RBFOX3: variants seen among roughly 807,000 people sequenced by gnomAD.
RBFOX3 encodes the protein RNA binding fox-1 homolog 3, also known as RNA binding protein fox-1 homolog 3.
Under a neutral mutation model 48.7 loss-of-function variants are expected in RBFOX3, and 17 were observed. That is an observed-to-expected ratio of 0.35 (90% CI 0.24 to 0.52). The LOEUF (loss-of-function observed/expected upper bound fraction) is 0.52, where lower values mean the gene tolerates loss of function less well. Ranked by LOEUF, RBFOX3 falls within the 20% of genes least tolerant of loss-of-function variation. RBFOX3 has a pLI of 0.94. For synonymous variants in RBFOX3, 212 were observed against 209.5 expected, an observed-to-expected ratio of 1.01 and a Z score of -0.10; for missense variants, 382 against 497.5, an observed-to-expected ratio of 0.77 and a Z score of 2.21.
intron 1 of RBFOX3, among the ~76,000 whole-genome samples, chr17:79,591,209 G>T (rs1456535793): frequency 2.6e-5 from 4 of 152,326 alleles, no homozygotes; most frequent in Non-Finnish European, 5.9e-5. Context: ...GGTCCCGGGG[G>T]TCGGCACCCA....
chr17:79,196,606 C>A (rs62062880), intron 4 of RBFOX3, among the ~76,000 whole-genome samples: 4 of 152,220 alleles, frequency 2.6e-5, no homozygotes, highest in African/African-American at 9.6e-5. Context: ...CTTCTCTCTG[C>A]AGTGCCCAGA....
At chr17:79,120,122 C>G (rs1156387016) in intron 4 of RBFOX3, among the ~76,000 whole-genome samples, 1 of 152,202 alleles carries the variant, frequency 6.6e-6, no homozygotes, top group Non-Finnish European at 1.5e-5. Context: ...TGGGGCTTAT[C>G]TCAGATGACC....
At chr17:79,660,053 GGC>G in the RBFOX3 span, among the ~76,000 whole-genome samples, 1 of 152,298 alleles carries the variant, frequency 6.6e-6, no homozygotes, top group South Asian at 2.1e-4. Flanking sequence ...AGGGCATGGT[GGC>G]GGGCGCCTGT....
chr17:79,529,318 A>G (rs2087322637), intron 1 of RBFOX3, among the ~76,000 whole-genome samples: 1 of 152,204 alleles, frequency 6.6e-6, no homozygotes, highest in South Asian at 2.1e-4. Context: ...ACCCCACCGC[A>G]TCACCTGATC....
chr17:79,488,056 G>A (rs2079922695), intron 1 of RBFOX3, among the ~76,000 whole-genome samples: 1 of 152,176 alleles, frequency 6.6e-6, no homozygotes, highest in African/African-American at 2.4e-5. Context: ...CATTCTACAT[G>A]GCAAAGCAAA....
intron 3 of RBFOX3, among the ~76,000 whole-genome samples, chr17:79,273,576 G>T (rs977442470): frequency 2.1e-5 from 3 of 141,394 alleles, no homozygotes; most frequent in African/African-American, 9.4e-5. Flanking sequence ...TCTGGGGGGG[G>T]CGGGGGCGGG....
chr17:79,181,473 C>T (rs542109724), intron 4 of RBFOX3, among the ~76,000 whole-genome samples: 1 of 152,352 alleles, frequency 6.6e-6, no homozygotes, highest in East Asian at 1.9e-4. Context: ...GAATTTAGGG[C>T]AATGGCCATG....
intron 2 of RBFOX3, among the ~76,000 whole-genome samples, chr17:79,377,178 G>T (rs563650438): frequency 6.6e-6 from 1 of 152,208 alleles, no homozygotes; most frequent in East Asian, 1.9e-4. Flanking sequence ...TTGCATATTT[G>T]TCTAGACACA....
intron 4 of RBFOX3, among the ~76,000 whole-genome samples, chr17:79,122,113 C>T (rs1336113295): frequency 6.6e-6 from 1 of 152,104 alleles, no homozygotes; most frequent in African/African-American, 2.4e-5. Flanking sequence ...GCTCTTTTGG[C>T]CCACACACCA....
intron 1 of RBFOX3, among the ~76,000 whole-genome samples, chr17:79,536,940 C>T (rs1224046983): frequency 2.6e-5 from 4 of 151,998 alleles, no homozygotes; most frequent in African/African-American, 9.7e-5. Flanking sequence ...AAAAAATTAG[C>T]TGGGCATGGT....
intron 2 of RBFOX3, among the ~76,000 whole-genome samples, chr17:79,378,955 C>T (rs1389411364): frequency 6.6e-6 from 1 of 152,200 alleles, no homozygotes; most frequent in African/African-American, 2.4e-5. Flanking sequence ...CCCGTCCAGG[C>T]TGCACAAGCT....
chr17:79,263,944 G>T (rs2066230073), intron 3 of RBFOX3, among the ~76,000 whole-genome samples: 1 of 152,060 alleles, frequency 6.6e-6, no homozygotes, highest in Admixed American at 6.5e-5. Context: ...ATAAGAGAAA[G>T]GAGGGAGGCT....
At chr17:79,371,606 G>A (rs1300382540) in intron 2 of RBFOX3, among the ~76,000 whole-genome samples, 1 of 152,172 alleles carries the variant, frequency 6.6e-6, no homozygotes, top group Non-Finnish European at 1.5e-5. Flanking sequence ...CTAGGGTTAG[G>A]GGCCACTCGA....
At chr17:79,167,947 A>C (rs1221433364) in intron 4 of RBFOX3, among the ~76,000 whole-genome samples, 1 of 152,210 alleles carries the variant, frequency 6.6e-6, no homozygotes, top group Non-Finnish European at 1.5e-5. Context: ...GGCCTCCCCC[A>C]GGTAAAAGCC....
rs1188141711 is a variant in RBFOX3, at chr17:79,442,362, GGAGAGAGAGAGAGAGA to G, written c.-175+40076_-175+40091del. On this transcript the variant is annotated intron_variant, in intron 2 of 14. Coordinates refer to ENST00000693108, the MANE Select transcript of RBFOX3 (RefSeq NM_001350451.2). ...GAGGGAGGGAGGGAGGAAGAGGGGG[GGAGAGAGAGAGAGAGA>G]GAGAGAGAGAGAGAGAGAGAGAGAA... Among the ~76,000 whole-genome samples, 4 of 7,450 alleles carry G rather than the reference GGAGAGAGAGAGAGAGA, an allele frequency of 5.4e-4. 2 individuals carry two copies. The highest frequency in any genetic ancestry group is 1.7e-3 in the African/African-American group (2 of 1,166). 4.9% of individuals were successfully genotyped at this position (7,450 alleles called of 152,430 possible).
At chr17:79,337,529 A>G (rs12953098) in intron 2 of RBFOX3, among the ~76,000 whole-genome samples, 126,901 of 152,162 alleles carry the variant, frequency 0.83, 53,274 homozygotes, top group Non-Finnish European at 0.89. Flanking sequence ...TAATCCCAAC[A>G]CTTTGGGAGG....
At chr17:79,593,196 A>T (rs1005673411) in intron 1 of RBFOX3, among the ~76,000 whole-genome samples, 19 of 151,716 alleles carry the variant, frequency 1.3e-4, no homozygotes, top group African/African-American at 4.6e-4. Context: ...GAGACCCCAC[A>T]TCCCACCAGG....
At chr17:79,412,090 G>A (rs184822155) in intron 2 of RBFOX3, among the ~76,000 whole-genome samples, 5,785 of 152,208 alleles carry the variant, frequency 0.038, 155 homozygotes, top group South Asian at 0.08. Flanking sequence ...GTGTATATAC[G>A]TATGTGGGGT....
chr17:79,103,086 G>A lies in RBFOX3; in HGVS notation c.507+76C>T. On this transcript the variant is annotated intron_variant, in intron 8 of 14. Coordinates refer to ENST00000693108, the MANE Select transcript of RBFOX3 (RefSeq NM_001350451.2). This position sits in a 1 kb window ranked among gnomAD's most constrained non-coding sequence, Gnocchi z 6.1. ...CTCTGAAGGGTGCGGCAGTGGCAGGGCTGGTTGGTTGGGGGAGCTGGGGGG... is the reference window on the plus strand; with the variant it reads ...CTCTGAAGGGTGCGGCAGTGGCAGGACTGGTTGGTTGGGGGAGCTGGGGGG... The A allele has an allele frequency of 2.7e-6, 3 of 1,107,142 alleles. No individual in the cohort carries two copies. In the South Asian group the frequency reaches 4.1e-5, roughly 15 times the overall value. The allele number at this position is 1,107,142 out of a possible 1,614,324, so 68.6% of individuals were successfully genotyped here.
Sources: gnomAD v4.1 joint callset for allele counts (sites outside exome capture counted in the v4.1 genomes callset) on GRCh38, gnomAD v4.1.1 for gene constraint, Gnocchi (gnomAD v3.1) non-coding constraint, MANE v1.5 for transcripts, NCBI Gene and HGNC (gene_info 2026-07-23, HGNC 2026-07-21) for gene names.